Variants in DNAH12 observed in about 807,000 individuals in gnomAD.
DNAH12 encodes dynein axonemal heavy chain 12.
Under a neutral mutation model 371.5 loss-of-function variants are expected in DNAH12, and 285 were observed. The observed-to-expected ratio is 0.77, with a 90% CI of 0.70 to 0.85. The LOEUF is 0.85. Ranked by LOEUF, DNAH12 falls within the 40% of genes least tolerant of loss-of-function variation. The pLI, the probability that DNAH12 is intolerant of heterozygous loss-of-function variation, is 0.00. For missense variants in DNAH12, 3,611 were observed against 3,689.4 expected, an observed-to-expected ratio of 0.98 and a Z score of 0.55; for synonymous variants, 1,200 against 1,213.0, an observed-to-expected ratio of 0.99 and a Z score of 0.22.
intron 32 of DNAH12, among the ~76,000 whole-genome samples, chr3:57,430,663 G>A (rs749775493): frequency 6.6e-6 from 1 of 151,954 alleles, no homozygotes; most frequent in Admixed American, 6.5e-5. Flanking sequence ...ACTTTTAATA[G>A]TATTATTATT....
intron 26 of DNAH12, 82 bp downstream of exon 26, chr3:57,446,455 C>A: frequency 6.9e-7 from 1 of 1,452,092 alleles, no homozygotes; most frequent in Non-Finnish European, 9.1e-7. Flanking sequence ...CATGTTTAAA[C>A]ATGAGTTTGC....
At chr3:57,324,022 T>C (rs2061873648) in intron 62 of DNAH12, among the ~76,000 whole-genome samples, 1 of 152,206 alleles carries the variant, frequency 6.6e-6, no homozygotes, top group Non-Finnish European at 1.5e-5. Context: ...GAGATACAAG[T>C]AGAAATTACT....
chr3:57,489,427 T>G (rs1291304612), intron 12 of DNAH12, 82 bp downstream of exon 12: 1 of 1,356,658 alleles, frequency 7.4e-7, no homozygotes, highest in Non-Finnish European at 9.6e-7. Context: ...TATTTTAAGC[T>G]TTTGTTTTTA....
chr3:57,541,820 A>G (rs1665797786), intron 2 of DNAH12, among the ~76,000 whole-genome samples: 1 of 152,186 alleles, frequency 6.6e-6, no homozygotes, highest in African/African-American at 2.4e-5. Flanking sequence ...GACCTGTTTA[A>G]TTGTAAGGAA....
At chr3:57,342,991 G>A (rs1431125974) in intron 60 of DNAH12, among the ~76,000 whole-genome samples, 2 of 151,960 alleles carry the variant, frequency 1.3e-5, no homozygotes, top group African/African-American at 2.4e-5. Context: ...AGGATCACCT[G>A]AGCCGGGCAG....
At chr3:57,555,704 T>C in the DNAH12 span, among the ~76,000 whole-genome samples, 1 of 152,364 alleles carries the variant, frequency 6.6e-6, no homozygotes, top group South Asian at 2.1e-4. Context: ...TAAGATAGTG[T>C]GTGTAGCGTT....
Position 57,523,886 on chromosome 3 carries a change from T to G in DNAH12, c.171-2A>C, listed in dbSNP as rs1410264611. 6.3e-7 allele frequency: 1 copy of G among 1,588,720 alleles called. No individual in the cohort carries two copies. Among genetic ancestry groups the G allele is most frequent in the Non-Finnish European group, 8.6e-7 (1 of 1,166,454 alleles). ...AAATTTCTTTTGGCTCCATCAATTCTGAAATTTATAGTTAGAAATATGACT... is the reference window on the plus strand; with the variant it reads ...AAATTTCTTTTGGCTCCATCAATTCGGAAATTTATAGTTAGAAATATGACT... On this transcript the variant is annotated splice_acceptor_variant, in intron 2 of 73. Transcript: ENST00000495027. LOFTEE classifies it high-confidence loss of function.
At chr3:57,469,483 A>G (rs1188783311) in intron 16 of DNAH12, among the ~76,000 whole-genome samples, 1 of 152,210 alleles carries the variant, frequency 6.6e-6, no homozygotes, top group African/African-American at 2.4e-5. Flanking sequence ...ATTACTGGGT[A>G]TATACCCAAA....
intron 45 of DNAH12, among the ~76,000 whole-genome samples, chr3:57,389,247 T>G (rs1452721427): frequency 2.7e-5 from 4 of 148,382 alleles, no homozygotes; most frequent in Admixed American, 1.3e-4. Flanking sequence ...AAAAAAACAT[T>G]ACAGAGGCTT....
chr3:57,537,372 G>C (rs2069089826), intron 2 of DNAH12, among the ~76,000 whole-genome samples: 1 of 152,168 alleles, frequency 6.6e-6, no homozygotes. Context: ...AAGGAAGAAG[G>C]CAGGCTCATT....
intron 34 of DNAH12, among the ~76,000 whole-genome samples, chr3:57,425,435 A>C (rs2064736654): frequency 1.3e-5 from 2 of 150,348 alleles, no homozygotes; most frequent in African/African-American, 4.9e-5. Context: ...ATAGGCTCTC[A>C]CTCTGTCACG....
intron 45 of DNAH12, among the ~76,000 whole-genome samples, chr3:57,390,115 T>G (rs879048536): frequency 1.4e-5 from 2 of 147,130 alleles, no homozygotes; most frequent in African/African-American, 4.9e-5. Context: ...ATTACAGGCG[T>G]GAGCCACCGT....
intron 60 of DNAH12, among the ~76,000 whole-genome samples, chr3:57,341,098 T>G (rs1304544635): frequency 6.6e-5 from 10 of 151,392 alleles, no homozygotes; most frequent in African/African-American, 2.2e-4. Context: ...CATAAAACTC[T>G]CAATAAATTA....
rs2066748307 is a variant in DNAH12 at position 57,481,723 on chromosome 3, A to C, written c.1650+1653T>G. On this transcript the variant is annotated intron_variant, in intron 13 of 73. Coordinates refer to ENST00000495027, the MANE Select transcript of DNAH12 (RefSeq NM_001366028.2). ...GCATGGTACTGGTACCAAAACAGAG[A>C]TATAGACCAATGGAACAGAACAGAG... is the stretch of plus-strand genomic sequence containing the variant. 2.0e-5 allele frequency among the ~76,000 whole-genome samples: 3 copies of C among 152,256 alleles called. No homozygotes were observed. In the South Asian group the frequency reaches 6.2e-4, roughly 32 times the overall value.
At chr3:57,477,561 A>G (rs2066579201) in intron 13 of DNAH12, among the ~76,000 whole-genome samples, 1 of 152,148 alleles carries the variant, frequency 6.6e-6, no homozygotes, top group South Asian at 2.1e-4. Context: ...CTGTCTGACA[A>G]CTTTGAAGAG....
chr3:57,447,864 G>A (rs908779393), intron 25 of DNAH12, among the ~76,000 whole-genome samples: 58 of 152,056 alleles, frequency 3.8e-4, no homozygotes, highest in African/African-American at 1.2e-3. Flanking sequence ...TAGTAGAGAA[G>A]AGGTCTCACT....
Position 57,507,794 on chromosome 3 carries a change from G to C in DNAH12, c.746C>G (p.Ser249Ter), listed in dbSNP as rs2067818465. 6.3e-7 allele frequency: 1 copy of C among 1,598,846 alleles called. No individual in the cohort carries two copies. Among genetic ancestry groups the C allele is most frequent in the South Asian group, 1.1e-5 (1 of 87,500 alleles). The change falls in exon 8 of 74, where the codon TCA becomes TGA. Residue 249 changes from serine (S) to a stop codon, truncating the protein, a stop_gained. Transcript: ENST00000495027. LOFTEE classifies it high-confidence loss of function. ...IDCESLKTDL[S>*]IQTRNAEEKI... ...CTCTTCTGCGTTTCTAGTTTGTATT[G>C]ATAGATCAGTTTTCAGTGATTCACA...
At chr3:57,389,840 A>ATATATAT (rs1559608294) in intron 45 of DNAH12, among the ~76,000 whole-genome samples, 24 of 98,568 alleles carry the variant, frequency 2.4e-4, no homozygotes, top group East Asian at 7.2e-4. Context: ...ATATATATAT[A>ATATATAT]ATACTTTTTT....
intron 2 of DNAH12, among the ~76,000 whole-genome samples, 171 bp downstream of exon 2, chr3:57,542,530 T>A (rs1343848305): frequency 6.6e-6 from 1 of 152,212 alleles, no homozygotes; most frequent in Non-Finnish European, 1.5e-5. Context: ...CAGTGTACAG[T>A]GTATAATATT....
Sources: allele counts gnomAD v4.1 joint callset (sites outside exome capture counted in the v4.1 genomes callset), GRCh38; gene constraint gnomAD v4.1.1; transcripts MANE v1.5; gene names NCBI Gene and HGNC (gene_info 2026-07-23, HGNC 2026-07-21).